ABI2: variants seen among roughly 807,000 people sequenced by gnomAD.
ABI2 encodes abelson interactor 2.
Under a neutral mutation model 59.2 loss-of-function variants are expected in ABI2, and 25 were observed. The ratio of observed to expected loss-of-function variants is 0.42; its 90% CI spans 0.31 to 0.59. The LOEUF is 0.59. ABI2 is among the 20% of genes least tolerant of loss of function. The probability of loss-of-function intolerance (pLI) is 0.14; values close to 1 mark genes in which losing one functional copy is unlikely to be tolerated. For missense variants in ABI2, 545 were observed against 681.8 expected, an observed-to-expected ratio of 0.80 and a Z score of 2.23; for synonymous variants, 213 against 235.5, an observed-to-expected ratio of 0.90 and a Z score of 0.87.
At chr2:203,365,907 G>A (rs911349276) in intron 1 of ABI2, among the ~76,000 whole-genome samples, 1 of 151,974 alleles carries the variant, frequency 6.6e-6, no homozygotes, top group African/African-American at 2.4e-5. Flanking sequence ...GGGATTACAG[G>A]CGTGAGCCAC....
intron 11 of ABI2, 136 bp from the exon 12 acceptor site, chr2:203,427,040 GT>G (rs910788547): frequency 7.5e-5 from 50 of 669,962 alleles, no homozygotes; most frequent in Admixed American, 5.8e-4. Context: ...AAACATGTAA[GT>G]TTTGGTTGGT....
intron 10 of ABI2, 113 bp from the exon 11 acceptor site, chr2:203,416,795 T>C: frequency 9.0e-7 from 1 of 1,111,634 alleles, no homozygotes; most frequent in Non-Finnish European, 1.2e-6. Flanking sequence ...TTTGAAGGAA[T>C]ATTACATTTA....
intron 1 of ABI2, among the ~76,000 whole-genome samples, chr2:203,332,068 C>A (rs1207847193): frequency 6.6e-6 from 1 of 151,656 alleles, no homozygotes; most frequent in Admixed American, 6.6e-5. Flanking sequence ...CCTCGGCCTC[C>A]CAAAGTGCTA....
At chr2:203,356,429 C>T (rs924406356) in intron 1 of ABI2, among the ~76,000 whole-genome samples, 7 of 152,038 alleles carry the variant, frequency 4.6e-5, no homozygotes, top group Admixed American at 3.3e-4. Flanking sequence ...AGTGCATTGG[C>T]GTGATCTTGG....
intron 4 of ABI2, among the ~76,000 whole-genome samples, chr2:203,384,676 A>G (rs11675251): frequency 0.44 from 67,390 of 151,740 alleles, 16,814 homozygotes; most frequent in Middle Eastern, 0.7. Flanking sequence ...TGTGTTTGTA[A>G]TGAATTTTTC....
chr2:203,394,874 T>C (rs1267599232), intron 6 of ABI2, 28 bp downstream of exon 6: 1 of 1,611,216 alleles, frequency 6.2e-7, no homozygotes, highest in Admixed American at 1.7e-5. Context: ...GTGCAAAATG[T>C]GATGGTCATA....
chr2:203,400,020 GTATA>G (rs2097155044), intron 8 of ABI2, among the ~76,000 whole-genome samples: 1 of 148,570 alleles, frequency 6.7e-6, no homozygotes, highest in South Asian at 2.1e-4. Flanking sequence ...TGATAATTAG[GTATA>G]TATATTTTTA....
chr2:203,376,436 A>G (rs1391486004), intron 2 of ABI2, among the ~76,000 whole-genome samples: 1 of 152,260 alleles, frequency 6.6e-6, no homozygotes, highest in Non-Finnish European at 1.5e-5. Flanking sequence ...AATTAAAAAC[A>G]TCATATAGCC....
intron 1 of ABI2, among the ~76,000 whole-genome samples, chr2:203,340,371 A>ATT (rs138325801): frequency 8.9e-5 from 13 of 146,714 alleles, no homozygotes; most frequent in African/African-American, 2.5e-4. Flanking sequence ...AAGTCAGTAG[A>ATT]TTTTTTTTTT....
At chr2:203,394,407 T>A in intron 5 of ABI2, 1 of 301,780 alleles carries the variant, frequency 3.3e-6, no homozygotes, top group Non-Finnish European at 6.1e-6. Context: ...AGAGGTAGGG[T>A]CTGGGAAACA....
At chr2:203,343,449 GT>G (rs200363290) in intron 1 of ABI2, among the ~76,000 whole-genome samples, 3 of 151,412 alleles carry the variant, frequency 2.0e-5, no homozygotes, top group Admixed American at 6.6e-5. Context: ...TATATTCCAG[GT>G]TTTTTTTTCC....
intron 1 of ABI2, among the ~76,000 whole-genome samples, chr2:203,336,247 A>G (rs2076385438): frequency 6.6e-6 from 1 of 152,216 alleles, no homozygotes; most frequent in African/African-American, 2.4e-5. Context: ...AGTGGTGAAT[A>G]TGGCTGTAAA....
intron 1 of ABI2, among the ~76,000 whole-genome samples, chr2:203,344,749 C>T (rs564831498): frequency 2.6e-5 from 4 of 152,092 alleles, no homozygotes; most frequent in South Asian, 2.1e-4. Context: ...GGTTTGTAAG[C>T]GCACCAATCA....
At chr2:203,402,472 G>T (rs569501471) in intron 8 of ABI2, 104 bp from the exon 9 acceptor site, 2 of 838,346 alleles carry the variant, frequency 2.4e-6, no homozygotes, top group East Asian at 6.6e-5. Context: ...AGTTAAACTA[G>T]CTGTTATTTT....
In ABI2 at chr2:203,335,548, C is replaced by T. The variant is rs1420474689; in HGVS notation, c.117+6917C>T. 2.6e-5 allele frequency among the ~76,000 whole-genome samples: 4 copies of T among 152,206 alleles called. No homozygotes were observed. In the East Asian group the frequency reaches 7.7e-4, roughly 29 times the overall value. On this transcript the variant is annotated intron_variant, in intron 1 of 11. Coordinates refer to ENST00000261018, the MANE Select transcript of ABI2 (RefSeq NM_001375670.1). Reference sequence around the variant, plus strand: ...AAAGTGCTGGGATTACACCTGTCAGCCGCCATGCCTGGCCTTGAATTATTT... The same window carrying T: ...AAAGTGCTGGGATTACACCTGTCAGTCGCCATGCCTGGCCTTGAATTATTT...
At chr2:203,343,153 C>T (rs750955168) in intron 1 of ABI2, among the ~76,000 whole-genome samples, 5 of 152,126 alleles carry the variant, frequency 3.3e-5, no homozygotes, top group Non-Finnish European at 7.4e-5. Context: ...CACGTGAGGT[C>T]AGGAGTTTGA....
chr2:203,387,106 G>A (rs1197207651), intron 4 of ABI2, among the ~76,000 whole-genome samples: 2 of 141,436 alleles, frequency 1.4e-5, no homozygotes, highest in Non-Finnish European at 3.0e-5. Context: ...TGTACCTAGA[G>A]GGTCTAGTAG....
At chr2:203,408,816 A>G (rs1046137373) in intron 9 of ABI2, among the ~76,000 whole-genome samples, 5 of 126,174 alleles carry the variant, frequency 4.0e-5, no homozygotes, top group African/African-American at 8.4e-5. Flanking sequence ...TTTTTTGTCT[A>G]TGCTACCTTC....
chr2:203,343,189 C>T (rs1273913995), intron 1 of ABI2, among the ~76,000 whole-genome samples: 2 of 152,030 alleles, frequency 1.3e-5, no homozygotes, highest in Non-Finnish European at 2.9e-5. Context: ...CATGGTGAAA[C>T]CTTGTCTCTA....
Sources: allele counts gnomAD v4.1 joint callset (sites outside exome capture counted in the v4.1 genomes callset), GRCh38; gene constraint gnomAD v4.1.1; transcripts MANE v1.5; gene names NCBI Gene and HGNC (gene_info 2026-07-23, HGNC 2026-07-21).